Variants in ARID3A observed in about 807,000 individuals in gnomAD.
The protein encoded by ARID3A is AT-rich interactive domain-containing protein 3A.
In ARID3A, 11 loss-of-function variants were observed where a neutral mutation model predicts 52.7. The observed-to-expected ratio is 0.21, with a 90% CI of 0.13 to 0.35. ARID3A has a LOEUF of 0.35. Among genes scored for constraint, ARID3A ranks in the 10% least tolerant of loss-of-function variants. The pLI, the probability that ARID3A is intolerant of heterozygous loss-of-function variation, is 1.00. For missense variants in ARID3A, 721 were observed against 838.5 expected, an observed-to-expected ratio of 0.86 and a Z score of 1.73; for synonymous variants, 404 against 359.4, an observed-to-expected ratio of 1.12 and a Z score of -1.40.
chr19:950,591 T>G (rs114049098), intron 3 of ARID3A, among the ~76,000 whole-genome samples: 3,309 of 151,834 alleles, frequency 0.022, 103 homozygotes, highest in Admixed American at 0.092. Context: ...AGGCAGGGAG[T>G]TGGGCTTTCT....
chr19:963,943 TC>T (rs541402182), intron 4 of ARID3A, among the ~76,000 whole-genome samples: 1 of 152,110 alleles, frequency 6.6e-6, no homozygotes, highest in Non-Finnish European at 1.5e-5. Flanking sequence ...ATAACAAAGA[TC>T]CGGGCGTCTC....
At position 932,496 on chromosome 19, in the gene ARID3A, TGAGGAGGAG is replaced by T. The variant is rs761028250; in HGVS notation, c.456_464del (p.Glu152_Glu154del). On this transcript the variant is annotated inframe_deletion, in exon 3 of 9. Transcript: ENST00000263620. ...AGGAGGAGGAGGAGGATTACGAGGA[TGAGGAGGAG>T]GAGGAGGACGAGGAGGGGCTGGGCC... The T allele has an allele frequency of 3.2e-6, 5 of 1,541,918 alleles. No individual in the cohort carries two copies. The highest frequency in any genetic ancestry group is 1.4e-5 in the African/African-American group (1 of 71,008).
intron 1 of ARID3A, among the ~76,000 whole-genome samples, chr19:927,307 G>T (rs2037221454): frequency 6.6e-6 from 1 of 151,726 alleles, no homozygotes; most frequent in Non-Finnish European, 1.5e-5. Flanking sequence ...GAGGACAAAG[G>T]GCTCTTGGGG....
At chr19:940,916 A>AG (rs1400817158) in intron 3 of ARID3A, among the ~76,000 whole-genome samples, 1 of 151,832 alleles carries the variant, frequency 6.6e-6, no homozygotes, top group East Asian at 2.0e-4. Flanking sequence ...CTGGCGGGCG[A>AG]GGGGTGGGTG....
chr19:969,804 C>T (rs1185805046), intron 8 of ARID3A, among the ~76,000 whole-genome samples: 2 of 150,990 alleles, frequency 1.3e-5, no homozygotes, highest in East Asian at 4.1e-4. Flanking sequence ...TCTCCTGCCT[C>T]AGCCTCCCCA....
chr19:960,678 C>T lies in ARID3A; in HGVS notation c.766+514C>T, dbSNP rs1599419346. ...GCCCCTCCCCTCTTCCCACCAGGGCCTCAGTTTCCCCATCTGTAAAAACGG... is the reference window on the plus strand; with the variant it reads ...GCCCCTCCCCTCTTCCCACCAGGGCTTCAGTTTCCCCATCTGTAAAAACGG... On this transcript the variant is annotated intron_variant, in intron 4 of 8. Coordinates refer to ENST00000263620, the MANE Select transcript of ARID3A (RefSeq NM_005224.3). This position sits in a 1 kb window ranked among gnomAD's most constrained non-coding sequence, Gnocchi z 4.3. Among the ~76,000 whole-genome samples the T allele has an allele frequency of 6.6e-6, 1 of 152,130 alleles. No individual in the cohort carries two copies. Among genetic ancestry groups the T allele is most frequent in the Non-Finnish European group, 1.5e-5 (1 of 68,016 alleles).
At chr19:939,299 A>G (rs971199901) in intron 3 of ARID3A, among the ~76,000 whole-genome samples, 2 of 151,856 alleles carry the variant, frequency 1.3e-5, no homozygotes, top group African/African-American at 4.8e-5. Flanking sequence ...TTGTATTTTT[A>G]GTAGAGACGG....
intron 3 of ARID3A, among the ~76,000 whole-genome samples, chr19:954,065 G>A (rs2037862563): frequency 6.6e-6 from 1 of 152,150 alleles, no homozygotes. Context: ...AAATAGGGCA[G>A]CTCAAGGCCG....
At chr19:931,788 G>T (rs1284402921) in intron 2 of ARID3A, among the ~76,000 whole-genome samples, 2 of 151,550 alleles carry the variant, frequency 1.3e-5, no homozygotes, top group East Asian at 3.9e-4. Context: ...ACTCCAGCCT[G>T]GACGACAGAG....
chr19:949,423 G>A (rs1276765296), intron 3 of ARID3A, among the ~76,000 whole-genome samples: 7 of 152,198 alleles, frequency 4.6e-5, no homozygotes, highest in African/African-American at 1.7e-4. Flanking sequence ...GGTGCTGTCA[G>A]TGGATGGGAG....
At chr19:945,350 A>C (rs2145399360) in intron 3 of ARID3A, among the ~76,000 whole-genome samples, 1 of 152,280 alleles carries the variant, frequency 6.6e-6, no homozygotes, top group East Asian at 1.9e-4. Flanking sequence ...TTTCTCCTGT[A>C]ACTCCTGTAG....
Position 975,294 on chromosome 19 carries a change from A to C in ARID3A, c.*3229A>C, listed in dbSNP as rs976624009. The stretch of plus-strand genomic sequence containing the variant: ...CCCCCTGCTCTGAGATGTTGGGAGA[A>C]AGGCGGCTTCTGGAACCTTCCGTGG... On this transcript the variant is annotated 3_prime_UTR_variant, in exon 9 of 9. Coordinates refer to ENST00000263620, the MANE Select transcript of ARID3A (RefSeq NM_005224.3). 42 of 229,848 alleles carry C rather than the reference A, an allele frequency of 1.8e-4. No individual in the cohort carries two copies. Among genetic ancestry groups the C allele is most frequent in the African/African-American group, 8.4e-4 (38 of 45,228 alleles). 14.2% of individuals were successfully genotyped at this position (229,848 alleles called of 1,614,324 possible).
At chr19:966,033 C>T (rs528311630) in intron 6 of ARID3A, among the ~76,000 whole-genome samples, 5 of 149,234 alleles carry the variant, frequency 3.4e-5, no homozygotes, top group African/African-American at 7.4e-5. Flanking sequence ...TGGTGGTGGG[C>T]GCCTGTAATC....
At position 964,575 on chromosome 19, in the gene ARID3A, G is replaced by A; in HGVS notation, c.950+144G>A. On this transcript the variant is annotated intron_variant, in intron 5 of 8. Coordinates refer to ENST00000263620, the MANE Select transcript of ARID3A (RefSeq NM_005224.3). The surrounding 1 kb of genome is among the most constrained non-coding windows in gnomAD (Gnocchi z 5.7). Reference sequence around the variant, plus strand: ...CGCAAAGGGCACAGGGCCACACCGTGCGTCCAGGGCCCGAGAGCGTCAAGT... The same window carrying A: ...CGCAAAGGGCACAGGGCCACACCGTACGTCCAGGGCCCGAGAGCGTCAAGT... 1.6e-6 allele frequency: 2 copies of A among 1,260,262 alleles called. No homozygotes were observed. Among genetic ancestry groups the A allele is most frequent in the Non-Finnish European group, 2.1e-6 (2 of 933,916 alleles). 78.1% of individuals were successfully genotyped at this position (1,260,262 alleles called of 1,614,324 possible).
intron 3 of ARID3A, among the ~76,000 whole-genome samples, chr19:935,007 G>A (rs2037410001): frequency 6.6e-6 from 1 of 152,176 alleles, no homozygotes; most frequent in Non-Finnish European, 1.5e-5. Context: ...TGTCAACAGT[G>A]GCCTGGGCCC....
At chr19:939,976 TCG>T (rs2037513176) in intron 3 of ARID3A, among the ~76,000 whole-genome samples, 1 of 152,078 alleles carries the variant, frequency 6.6e-6, no homozygotes, top group Non-Finnish European at 1.5e-5. Flanking sequence ...TGCCGTGGCC[TCG>T]CCACGTCCAT....
chr19:942,061 G>A lies in ARID3A; in HGVS notation c.693+9319G>A, dbSNP rs150152629. Among the ~76,000 whole-genome samples the A allele has an allele frequency of 4.7e-4, 72 of 152,304 alleles. 1 individual carries two copies. The highest frequency in any genetic ancestry group is 1.4e-3 in the African/African-American group (57 of 41,556). On this transcript the variant is annotated intron_variant, in intron 3 of 8. Coordinates refer to ENST00000263620, the MANE Select transcript of ARID3A (RefSeq NM_005224.3). This position sits in a 1 kb window ranked among gnomAD's most constrained non-coding sequence, Gnocchi z 8.1. Reference sequence around the variant, plus strand: ...TCTTGGTCAGCAGCGCGCGTCGGCCGCGGGGCACAGATCAGCGCCTCCCCT... The same window carrying A: ...TCTTGGTCAGCAGCGCGCGTCGGCCACGGGGCACAGATCAGCGCCTCCCCT...
rs906678051 is a variant in ARID3A, at chr19:974,409, G to A, written c.*2344G>A. On this transcript the variant is annotated 3_prime_UTR_variant, in exon 9 of 9. Transcript: ENST00000263620. ...CTCCAGACACAATCGGGCCCCACTC[G>A]CAGAACCACCTGGACTCTGTCCGTG... 1.3e-5 allele frequency: 3 copies of A among 230,218 alleles called. No homozygotes were observed. The highest frequency in any genetic ancestry group is 2.2e-5 in the African/African-American group (1 of 45,102). 14.3% of individuals were successfully genotyped at this position (230,218 alleles called of 1,614,324 possible).
Position 964,424 on chromosome 19 carries a change from C to A in ARID3A, c.943C>A (p.Arg315=), listed in dbSNP as rs763299140. ...CATCACCAGTGCAGCCTTCACCCTGCGGACCCAGTGAGTGGCGGACGGTTG... is the reference window on the plus strand; with the variant it reads ...CATCACCAGTGCAGCCTTCACCCTGAGGACCCAGTGAGTGGCGGACGGTTG... The part of the protein sequence containing the change: ...TSITSAAFTL[R]TQYMKYLYPY... Residue 315 remains arginine, a synonymous_variant, in exon 5 of 9, where the codon CGG becomes AGG. Coordinates refer to ENST00000263620, the MANE Select transcript of ARID3A (RefSeq NM_005224.3). This position sits in a 1 kb window ranked among gnomAD's most constrained non-coding sequence, Gnocchi z 5.7. 3.1e-6 allele frequency: 5 copies of A among 1,596,362 alleles called. No homozygotes were observed. The highest frequency in any genetic ancestry group is 1.7e-4 in the Middle Eastern group (1 of 5,994).
Sources: allele counts gnomAD v4.1 joint callset (sites outside exome capture counted in the v4.1 genomes callset), GRCh38; gene constraint gnomAD v4.1.1; non-coding constraint Gnocchi (gnomAD v3.1); transcripts MANE v1.5; gene names NCBI Gene and HGNC (gene_info 2026-07-23, HGNC 2026-07-21).